CNNM3: variants seen among roughly 807,000 people sequenced by gnomAD.
The protein encoded by CNNM3 is metal transporter CNNM3.
A neutral mutation model predicts 57.1 loss-of-function variants in CNNM3; 47 were observed. The ratio of observed to expected loss-of-function variants is 0.82; its 90% CI spans 0.65 to 1.05. CNNM3 has a LOEUF of 1.05. CNNM3 is among the 50% of genes least tolerant of loss of function. The pLI is 0.00. For missense variants in CNNM3, 957 were observed against 973.7 expected, an observed-to-expected ratio of 0.98 and a Z score of 0.23; for synonymous variants, 507 against 478.2, an observed-to-expected ratio of 1.06 and a Z score of -0.79.
Position 96,826,994 on chromosome 2 carries a change from G to GA in CNNM3, c.1519+12_1519+13insA. ...CTTCCTGTCCCGAGGTGAGGCGGGA[G>GA]GGTGGTCCATGCCCCCTGCTCTCCT... On this transcript the variant is annotated intron_variant, in intron 3 of 7. Transcript: ENST00000305510. 1.2e-6 allele frequency: 2 copies of GA among 1,612,838 alleles called. No individual in the cohort carries two copies. The highest frequency in any genetic ancestry group is 1.7e-6 in the Non-Finnish European group (2 of 1,179,440).
In CNNM3 at chr2:96,834,753, C is replaced by T. The variant is rs1403882020; in HGVS notation, c.*2137C>T. Among the ~76,000 whole-genome samples, 1 of 152,192 alleles carries T rather than the reference C, an allele frequency of 6.6e-6. No homozygotes were observed. The highest frequency in any genetic ancestry group is 1.5e-5 in the Non-Finnish European group (1 of 68,048). ...ACTAAAGGTGCAATCATACTAATAG[C>T]TAGAGTTTATTTGGATTTTACCATT... On this transcript the variant is annotated 3_prime_UTR_variant, in exon 8 of 8. Transcript: ENST00000305510.
chr2:96,826,864 T>G lies in CNNM3; in HGVS notation c.1401T>G (p.Ser467=). The part of the protein sequence containing the change: ...RDTVVKRKPA[S]LMAPLKRKEE... ...CCGTGGTGAAGAGGAAGCCTGCTTC[T>G]CTGATGGCCCCTCTGAAGCGGAAGG... The change falls in exon 3 of 8, where the codon TCT becomes TCG. Residue 467 remains serine, a synonymous_variant. Transcript: ENST00000305510. 1 of 1,614,252 alleles carries G rather than the reference T, an allele frequency of 6.2e-7. No individual in the cohort carries two copies. Among genetic ancestry groups the G allele is most frequent in the Non-Finnish European group, 8.5e-7 (1 of 1,180,036 alleles).
chr2:96,826,554 C>T lies in CNNM3; in HGVS notation c.1370-279C>T, dbSNP rs115638994. On this transcript the variant is annotated intron_variant, in intron 2 of 7. Transcript: ENST00000305510. ...TTTTAGTCTACATCCAGTGACCTAT[C>T]AGGGATGCTTGTTATTTTATACAAG... Among the ~76,000 whole-genome samples, 1,011 of 152,316 alleles carry T rather than the reference C, an allele frequency of 6.6e-3. 11 individuals carry two copies. Among genetic ancestry groups the T allele is most frequent in the African/African-American group, 0.023 (941 of 41,564 alleles).
intron 1 of CNNM3, among the ~76,000 whole-genome samples, chr2:96,820,601 A>G (rs2079390912): frequency 6.6e-6 from 1 of 152,122 alleles, no homozygotes; most frequent in South Asian, 2.1e-4. Context: ...AAGCTAAGGG[A>G]AGAGACCACT....
intron 3 of CNNM3, 140 bp from the exon 4 acceptor site, chr2:96,827,591 G>A (rs1384360802): frequency 6.9e-6 from 5 of 724,876 alleles, no homozygotes; most frequent in Non-Finnish European, 1.1e-5. Flanking sequence ...CTTGTGTTGA[G>A]GTGTTAGGGG....
chr2:96,821,485 T>G (rs1314469782), intron 1 of CNNM3, among the ~76,000 whole-genome samples: 8 of 152,120 alleles, frequency 5.3e-5, no homozygotes, highest in Non-Finnish European at 1.0e-4. Flanking sequence ...CTTTGTAGTC[T>G]GGGGGCAAGG....
At chr2:96,825,008 A>G in intron 1 of CNNM3, 50 bp from the exon 2 acceptor site, 3 of 1,608,648 alleles carry the variant, frequency 1.9e-6, no homozygotes, top group Non-Finnish European at 2.5e-6. Flanking sequence ...GAGATGAATC[A>G]AACTGGGGGG....
intron 4 of CNNM3, 99 bp from the exon 5 acceptor site, chr2:96,828,000 C>A: frequency 6.4e-7 from 1 of 1,554,868 alleles, no homozygotes; most frequent in Non-Finnish European, 8.8e-7. Context: ...TGCACCCTCC[C>A]ACCCCAAACA....
chr2:96,816,442 G>T lies in CNNM3; in HGVS notation c.165G>T (p.Arg55=). 1 of 1,426,800 alleles carries T rather than the reference G, an allele frequency of 7.0e-7. No individual in the cohort carries two copies. 88.4% of individuals were successfully genotyped at this position (1,426,800 alleles called of 1,614,324 possible). ...GAGWVRGGAA[R]DTPDATFLLR... ...GTTGGGTACGCGGAGGGGCGGCGCG[G>T]GACACGCCGGACGCCACCTTCCTCC... Residue 55 remains arginine, a synonymous_variant, in exon 1 of 8, where the codon CGG becomes CGT. Coordinates refer to ENST00000305510, the MANE Select transcript of CNNM3 (RefSeq NM_017623.5).
downstream of CNNM3, among the ~76,000 whole-genome samples, chr2:96,836,097 T>C (rs1220085703): frequency 6.7e-6 from 1 of 148,684 alleles, no homozygotes; most frequent in Non-Finnish European, 1.5e-5. Context: ...CCTTTTTTTT[T>C]TCCTGAGACA....
chr2:96,827,156 C>T (rs1463752630), intron 3 of CNNM3, among the ~76,000 whole-genome samples, 174 bp downstream of exon 3: 2 of 152,198 alleles, frequency 1.3e-5, no homozygotes, highest in East Asian at 3.9e-4. Context: ...GAGACACCTC[C>T]TCTCTGCCAG....
intron 3 of CNNM3, among the ~76,000 whole-genome samples, chr2:96,827,496 G>A (rs947311897): frequency 1.3e-5 from 2 of 152,128 alleles, no homozygotes; most frequent in African/African-American, 2.4e-5. Flanking sequence ...TCCAACTCCT[G>A]ACTGCAGGTG....
At chr2:96,828,258 A>T in intron 5 of CNNM3, 63 bp downstream of exon 5, 4 of 1,359,600 alleles carry the variant, frequency 2.9e-6, no homozygotes, top group African/African-American at 1.4e-5. Flanking sequence ...GTCCCCCATC[A>T]TCACTTGGGC....
At chr2:96,829,185 A>C (rs1166547172) in intron 7 of CNNM3, 51 bp downstream of exon 7, 1 of 1,595,012 alleles carries the variant, frequency 6.3e-7, no homozygotes, top group Admixed American at 1.7e-5. Context: ...GAGGGCCGTG[A>C]GCTCACACAC....
Position 96,816,890 on chromosome 2 carries a change from G to C in CNNM3, c.613G>C (p.Ala205Pro). ...CGCGCTGCTGCTGCTGGCCAGCCTGGCGCAGGCGGCGCTGGCGGTGCTGCT... is the reference window on the plus strand; with the variant it reads ...CGCGCTGCTGCTGCTGGCCAGCCTGCCGCAGGCGGCGCTGGCGGTGCTGCT... ...LGALLLLASL[A>P]QAALAVLLYR... Residue 205 changes from alanine (A) to proline (P), a missense_variant, in exon 1 of 8, where the codon GCG (alanine) becomes CCG (proline). Ala to Pro is a conservative substitution (Grantham distance 27, BLOSUM62 -1). This residue lies in a region of CNNM3 where 466 missense variants were observed against 403.1 expected (regional missense o/e 1.16). Transcript: ENST00000305510. The C allele has an allele frequency of 2.7e-6, 3 of 1,116,442 alleles. No individual in the cohort carries two copies. The highest frequency in any genetic ancestry group is 3.3e-6 in the Non-Finnish European group (3 of 917,528). The allele number at this position is 1,116,442 out of a possible 1,614,324, so 69.2% of individuals were successfully genotyped here.
rs2079653065 is a variant in CNNM3 at position 96,834,268 on chromosome 2, A to AAG, written c.*1652_*1653insAG. On this transcript the variant is annotated 3_prime_UTR_variant, in exon 8 of 8. Transcript: ENST00000305510. ...CACCTGGCAAATTAAAAATACGTGG[A>AAG]CCTGCCACCAGAGCTTGTGATTTAA... is the stretch of plus-strand genomic sequence containing the variant. Among the ~76,000 whole-genome samples the AAG allele has an allele frequency of 1.3e-5, 2 of 152,024 alleles. No homozygotes were observed. Among genetic ancestry groups the AAG allele is most frequent in the Non-Finnish European group, 2.9e-5 (2 of 68,024 alleles).
chr2:96,832,433 G>T lies in CNNM3; in HGVS notation c.2060-119G>T, dbSNP rs1348305661. Reference sequence around the variant, plus strand: ...CTGTTTCTGCTCTGATACTTCCCAAGGCATCCCGAAGCACCTGTCTTAGCT... The same window carrying T: ...CTGTTTCTGCTCTGATACTTCCCAATGCATCCCGAAGCACCTGTCTTAGCT... On this transcript the variant is annotated intron_variant, in intron 7 of 7. Coordinates refer to ENST00000305510, the MANE Select transcript of CNNM3 (RefSeq NM_017623.5). The T allele has an allele frequency of 3.2e-6, 5 of 1,548,086 alleles. No homozygotes were observed. In the African/African-American group the frequency reaches 4.1e-5, roughly 13 times the overall value.
rs1348530075 is a variant in CNNM3 at position 96,834,569 on chromosome 2, G to A, written c.*1953G>A. Among the ~76,000 whole-genome samples, 2 of 151,580 alleles carry A rather than the reference G, an allele frequency of 1.3e-5. No individual in the cohort carries two copies. Among genetic ancestry groups the A allele is most frequent in the East Asian group, 1.9e-4 (1 of 5,130 alleles). ...TCATTATGTTGCCTGGGGTAGTCTC[G>A]AACTCCTAGGCTCAAGCGATCCTCC... is the stretch of plus-strand genomic sequence containing the variant. On this transcript the variant is annotated 3_prime_UTR_variant, in exon 8 of 8. Coordinates refer to ENST00000305510, the MANE Select transcript of CNNM3 (RefSeq NM_017623.5).
In CNNM3 at chr2:96,834,853, T is replaced by A. The variant is rs907432060; in HGVS notation, c.*2237T>A. ...TGCACTTAGAGCTGTTGCTTTCTTT[T>A]TTCCTAACTTTATATTTTGAAATAA... On this transcript the variant is annotated 3_prime_UTR_variant, in exon 8 of 8. Transcript: ENST00000305510. Among the ~76,000 whole-genome samples, 42 of 152,222 alleles carry A rather than the reference T, an allele frequency of 2.8e-4. No individual in the cohort carries two copies. The highest frequency in any genetic ancestry group is 9.6e-4 in the African/African-American group (40 of 41,452).
Sources: allele counts gnomAD v4.1 joint callset (sites outside exome capture counted in the v4.1 genomes callset), GRCh38; gene constraint gnomAD v4.1.1; regional missense constraint gnomAD v4.1.1; transcripts MANE v1.5; gene names NCBI Gene and HGNC (gene_info 2026-07-23, HGNC 2026-07-21).